ZC2HC1B: variants seen among roughly 807,000 people sequenced by gnomAD.
The protein encoded by ZC2HC1B is zinc finger C2HC-type containing 1B.
ZC2HC1B carries 36 observed loss-of-function variants against 31.0 expected under a neutral mutation model. The observed-to-expected ratio is 1.16, with a 90% CI of 0.89 to 1.54. The LOEUF is 1.54. ZC2HC1B is among the 40% of genes most tolerant of loss of function. The pLI is 0.00. For missense variants in ZC2HC1B, 260 were observed against 268.6 expected, an observed-to-expected ratio of 0.97 and a Z score of 0.22; for synonymous variants, 73 against 88.0, an observed-to-expected ratio of 0.83 and a Z score of 0.95.
At chr6:143,914,978 G>A (rs181272156) in intron 6 of ZC2HC1B, among the ~76,000 whole-genome samples, 33 of 152,088 alleles carry the variant, frequency 2.2e-4, no homozygotes, top group African/African-American at 7.0e-4. Context: ...CAGTTTAATC[G>A]ATTTACATTT....
In ZC2HC1B at chr6:143,886,550, T is replaced by C; in HGVS notation, c.211-133T>C. 1 of 968,224 alleles carries C rather than the reference T, an allele frequency of 1.0e-6. No homozygotes were observed. Among genetic ancestry groups the C allele is most frequent in the Non-Finnish European group, 1.4e-6 (1 of 719,564 alleles). The allele number at this position is 968,224 out of a possible 1,614,324, so 60.0% of individuals were successfully genotyped here. On this transcript the variant is annotated intron_variant, in intron 3 of 7. Transcript: ENST00000237275. The surrounding 1 kb of genome is among the most constrained non-coding windows in gnomAD (Gnocchi z 4.2). The stretch of plus-strand genomic sequence containing the variant: ...TTCCAAACCTCTTTAAGGAGTACTT[T>C]TGAAAAACAAACTCTCCTTTTCCCC...
chr6:143,890,970 A>G (rs1329682413), intron 4 of ZC2HC1B, among the ~76,000 whole-genome samples: 3 of 151,868 alleles, frequency 2.0e-5, no homozygotes, highest in African/African-American at 7.3e-5. Flanking sequence ...TCTACTAAAA[A>G]AAATACAAAA....
At chr6:143,930,554 AT>A (rs1255479982) in intron 6 of ZC2HC1B, among the ~76,000 whole-genome samples, 3 of 151,118 alleles carry the variant, frequency 2.0e-5, no homozygotes, top group African/African-American at 2.4e-5. Context: ...CGCCCGGCTA[AT>A]TTTTTTTATA....
In ZC2HC1B at chr6:143,917,332, C is replaced by T. The variant is rs1213714537; in HGVS notation, c.598+14180C>T. On this transcript the variant is annotated intron_variant, in intron 6 of 7. Transcript: ENST00000237275. The surrounding 1 kb of genome is among the most constrained non-coding windows in gnomAD (Gnocchi z 4.1). ...GTCTTGGATATGTCTTTATCAGCAGCATGAAAACAGACTAATACTACCGTC... is the reference window on the plus strand; with the variant it reads ...GTCTTGGATATGTCTTTATCAGCAGTATGAAAACAGACTAATACTACCGTC... Among the ~76,000 whole-genome samples the T allele has an allele frequency of 6.6e-6, 1 of 152,200 alleles. No homozygotes were observed. Among genetic ancestry groups the T allele is most frequent in the African/African-American group, 2.4e-5 (1 of 41,454 alleles).
chr6:143,919,056 T>G (rs557205484), intron 6 of ZC2HC1B, among the ~76,000 whole-genome samples: 1 of 152,278 alleles, frequency 6.6e-6, no homozygotes, highest in East Asian at 1.9e-4. Flanking sequence ...TCAGGTCTTT[T>G]TTTGGGAACA....
chr6:143,875,748 G>A (rs1777400190), intron 1 of ZC2HC1B, among the ~76,000 whole-genome samples: 1 of 150,646 alleles, frequency 6.6e-6, no homozygotes, highest in South Asian at 2.1e-4. Flanking sequence ...GTTGGAGGTG[G>A]TTTCTGAGGA....
intron 1 of ZC2HC1B, among the ~76,000 whole-genome samples, chr6:143,875,220 G>A (rs912257385): frequency 6.6e-6 from 1 of 152,136 alleles, no homozygotes; most frequent in African/African-American, 2.4e-5. Context: ...CAATTACAGG[G>A]ATCTTCAGAG....
chr6:143,935,276 G>A (rs1392906097), intron 6 of ZC2HC1B, among the ~76,000 whole-genome samples: 1 of 152,150 alleles, frequency 6.6e-6, no homozygotes, highest in Non-Finnish European at 1.5e-5. Flanking sequence ...AGGGTGGGTT[G>A]ATCCCCAGGC....
Position 143,918,166 on chromosome 6 carries a change from C to T in ZC2HC1B, c.598+15014C>T, listed in dbSNP as rs1276211876. ...TTATCTGGGAATGTCTTAATTTCTT[C>T]TTCGCCTTTTTTTGGTAAGAGACAG... On this transcript the variant is annotated intron_variant, in intron 6 of 7. Transcript: ENST00000237275. This position sits in a 1 kb window ranked among gnomAD's most constrained non-coding sequence, Gnocchi z 4.1. Among the ~76,000 whole-genome samples the T allele has an allele frequency of 7.3e-5, 11 of 151,702 alleles. No individual in the cohort carries two copies. Among genetic ancestry groups the T allele is most frequent in the Non-Finnish European group, 1.5e-4 (10 of 67,972 alleles).
intron 6 of ZC2HC1B, among the ~76,000 whole-genome samples, chr6:143,932,118 T>C (rs1191069808): frequency 6.6e-6 from 1 of 152,090 alleles, no homozygotes; most frequent in African/African-American, 2.4e-5. Flanking sequence ...CAGGTGATCC[T>C]CACACCTTGG....
chr6:143,893,371 C>A lies in ZC2HC1B; in HGVS notation c.350-5181C>A, dbSNP rs144096383. On this transcript the variant is annotated intron_variant, in intron 4 of 7. Transcript: ENST00000237275. The stretch of plus-strand genomic sequence containing the variant: ...CTTGAGGCCGGGAGTTTGAGACCAG[C>A]CCGGCCAACATGGCAAAACCCTGTC... Among the ~76,000 whole-genome samples the A allele has an allele frequency of 1.6e-3, 236 of 152,196 alleles. 1 individual carries two copies. The highest frequency in any genetic ancestry group is 2.6e-3 in the Non-Finnish European group (174 of 68,012).
At position 143,928,397 on chromosome 6, in the gene ZC2HC1B, A is replaced by C. The variant is rs1778075976; in HGVS notation, c.599-9252A>C. Among the ~76,000 whole-genome samples the C allele has an allele frequency of 1.3e-5, 2 of 152,024 alleles. 1 individual carries two copies. The highest frequency in any genetic ancestry group is 4.1e-4 in the South Asian group (2 of 4,830). ...CTTTCTCTGATGTATGTTTTTGTCA[A>C]CTTTGTCGAATATCAGTTGGCTATA... On this transcript the variant is annotated intron_variant, in intron 6 of 7. Transcript: ENST00000237275.
chr6:143,891,201 A>C (rs1181306730), intron 4 of ZC2HC1B, among the ~76,000 whole-genome samples: 2 of 151,942 alleles, frequency 1.3e-5, no homozygotes, highest in Admixed American at 6.6e-5. Flanking sequence ...GGGTGTATTT[A>C]ACAAAATATA....
rs1777998259 is a variant in ZC2HC1B at position 143,922,840 on chromosome 6, C to T, written c.599-14809C>T. ...AGGATATGGGTATCCCTTTGATATA[C>T]TGATTTCCTTTCCTTTGAATAAATA... On this transcript the variant is annotated intron_variant, in intron 6 of 7. Coordinates refer to ENST00000237275, the MANE Select transcript of ZC2HC1B (RefSeq NM_001013623.3). The surrounding 1 kb of genome is among the most constrained non-coding windows in gnomAD (Gnocchi z 5.0). Among the ~76,000 whole-genome samples the T allele has an allele frequency of 6.6e-6, 1 of 152,058 alleles. No homozygotes were observed. Among genetic ancestry groups the T allele is most frequent in the Admixed American group, 6.6e-5 (1 of 15,254 alleles).
chr6:143,872,817 T>C lies in ZC2HC1B; in HGVS notation c.28+8250T>C, dbSNP rs1162528427. On this transcript the variant is annotated intron_variant, in intron 1 of 7. Transcript: ENST00000237275. This position sits in a 1 kb window ranked among gnomAD's most constrained non-coding sequence, Gnocchi z 5.5. ...AAGACCGGCCCCCATTTAGTTATCT[T>C]CCTCTGGGTCCCTCCCACAACACAC... Among the ~76,000 whole-genome samples the C allele has an allele frequency of 2.0e-5, 3 of 152,098 alleles. No individual in the cohort carries two copies. The highest frequency in any genetic ancestry group is 7.2e-5 in the African/African-American group (3 of 41,402).
intron 6 of ZC2HC1B, among the ~76,000 whole-genome samples, chr6:143,907,351 C>T (rs567912932): frequency 2.6e-5 from 4 of 152,344 alleles, no homozygotes; most frequent in African/African-American, 9.6e-5. Context: ...TTTGAGGAAT[C>T]ACCACACTGT....
At position 143,884,917 on chromosome 6, in the gene ZC2HC1B, C is replaced by T. The variant is rs1777512304; in HGVS notation, c.90+552C>T. ...GATCTAATTGTTGTACAGATTCAAG[C>T]TAACGGCATGTCAAGTCCCCGATTG... On this transcript the variant is annotated intron_variant, in intron 2 of 7. Transcript: ENST00000237275. The surrounding 1 kb of genome is among the most constrained non-coding windows in gnomAD (Gnocchi z 5.1). Among the ~76,000 whole-genome samples the T allele has an allele frequency of 6.6e-6, 1 of 152,124 alleles. No homozygotes were observed. Among genetic ancestry groups the T allele is most frequent in the Non-Finnish European group, 1.5e-5 (1 of 68,032 alleles).
chr6:143,897,731 T>C (rs1048386996), intron 4 of ZC2HC1B, among the ~76,000 whole-genome samples: 1 of 152,140 alleles, frequency 6.6e-6, no homozygotes, highest in Non-Finnish European at 1.5e-5. Context: ...GCAAAAGCAG[T>C]ATGTCTTTCT....
intron 1 of ZC2HC1B, among the ~76,000 whole-genome samples, chr6:143,880,730 C>T (rs189442328): frequency 6.6e-6 from 1 of 151,832 alleles, no homozygotes; most frequent in African/African-American, 2.4e-5. Flanking sequence ...GGCTGTGTTC[C>T]TATAAAACTT....
Sources: gnomAD v4.1 joint callset for allele counts (sites outside exome capture counted in the v4.1 genomes callset) on GRCh38, gnomAD v4.1.1 for gene constraint, Gnocchi (gnomAD v3.1) non-coding constraint, MANE v1.5 for transcripts, NCBI Gene and HGNC (gene_info 2026-07-23, HGNC 2026-07-21) for gene names.